The following ZMIZ1 variants were observed in gnomAD, a reference collection of about 807,000 sequenced individuals.
ZMIZ1 encodes zinc finger MIZ domain-containing protein 1.
Under a neutral mutation model 113.9 loss-of-function variants are expected in ZMIZ1, and 17 were observed. That is an observed-to-expected ratio of 0.15 (90% CI 0.10 to 0.22). The LOEUF is 0.22. ZMIZ1 is among the 10% of genes least tolerant of loss of function. The pLI, the probability that ZMIZ1 is intolerant of heterozygous loss-of-function variation, is 1.00. For synonymous variants in ZMIZ1, 607 were observed against 603.1 expected (o/e 1.01, Z -0.09); for missense variants, 1,059 against 1,477.8 (o/e 0.72, Z 4.65).
chr10:79,142,170 G>A (rs1457622458), intron 3 of ZMIZ1, among the ~76,000 whole-genome samples: 8 of 152,138 alleles, frequency 5.3e-5, no homozygotes, highest in Non-Finnish European at 1.5e-5. Context: ...AAGCTGAGGA[G>A]TTCTGTTTCA....
In ZMIZ1 at chr10:79,302,231, G is replaced by A. The variant is rs202148571; in HGVS notation, c.2125+19G>A. Reference sequence around the variant, plus strand: ...ACGAAAAGTGAGTCAGGGTGGGGACGGGGGTGAGGGCCAGACTCCATCCCC... The same window carrying A: ...ACGAAAAGTGAGTCAGGGTGGGGACAGGGGTGAGGGCCAGACTCCATCCCC... On this transcript the variant is annotated intron_variant, in intron 18 of 24. Transcript: ENST00000334512. 2.5e-5 allele frequency: 40 copies of A among 1,608,356 alleles called. No homozygotes were observed. The highest frequency in any genetic ancestry group is 6.7e-5 in the Admixed American group (4 of 60,008).
intron 7 of ZMIZ1, among the ~76,000 whole-genome samples, chr10:79,241,762 C>G (rs1160019054): frequency 2.0e-5 from 3 of 152,140 alleles, no homozygotes; most frequent in African/African-American, 7.2e-5. Flanking sequence ...CCAGCAACTT[C>G]CAGGGCCGGC....
At chr10:79,221,434 G>A (rs144273781) in intron 7 of ZMIZ1, among the ~76,000 whole-genome samples, 2,882 of 152,310 alleles carry the variant, frequency 0.019, 58 homozygotes, top group African/African-American at 0.048. Context: ...GTGCGCGGGC[G>A]GGATCCTCCT....
intron 3 of ZMIZ1, among the ~76,000 whole-genome samples, chr10:79,156,930 C>T (rs892918016): frequency 1.3e-5 from 2 of 152,116 alleles, no homozygotes; most frequent in Non-Finnish European, 2.9e-5. Flanking sequence ...CCTTATGGGC[C>T]TCGAGGCTGA....
At chr10:79,220,861 CATGGCTGT>C (rs67670665) in intron 7 of ZMIZ1, among the ~76,000 whole-genome samples, 17,035 of 152,062 alleles carry the variant, frequency 0.11, 1,142 homozygotes, top group East Asian at 0.3. Context: ...TGTATGTCTG[CATGGCTGT>C]GCACATGTGT....
intron 7 of ZMIZ1, among the ~76,000 whole-genome samples, chr10:79,229,821 C>T (rs901150650): frequency 3.9e-5 from 6 of 152,026 alleles, no homozygotes; most frequent in Non-Finnish European, 5.9e-5. Context: ...AGCAGAGAGG[C>T]GGGACCAGCC....
intron 1 of ZMIZ1, among the ~76,000 whole-genome samples, chr10:79,106,709 C>G (rs571083208): frequency 1.2e-3 from 183 of 152,366 alleles, no homozygotes; most frequent in African/African-American, 3.4e-3. Context: ...ATTCCATACC[C>G]ACTCCCTGCT....
At chr10:79,292,077 C>T (rs2132032252) in intron 10 of ZMIZ1, 81 bp from the exon 11 acceptor site, 3 of 1,372,170 alleles carry the variant, frequency 2.2e-6, no homozygotes, top group Non-Finnish European at 2.0e-6. Flanking sequence ...GCTCCATCAT[C>T]TCCCTTCCAG....
intron 7 of ZMIZ1, among the ~76,000 whole-genome samples, chr10:79,254,786 G>T (rs928197818): frequency 2.6e-5 from 4 of 152,202 alleles, no homozygotes; most frequent in African/African-American, 9.6e-5. Context: ...GCAATGCAGG[G>T]AGAGCCGACT....
chr10:79,268,170 G>C (rs1024415319), intron 7 of ZMIZ1, among the ~76,000 whole-genome samples: 1 of 152,208 alleles, frequency 6.6e-6, no homozygotes, highest in East Asian at 1.9e-4. Flanking sequence ...CAGCAGCGCC[G>C]GCCCCTGAGC....
Position 79,311,015 on chromosome 10 carries a change from T to C in ZMIZ1, c.2927T>C (p.Leu976Ser). Residue 976 changes from leucine to serine, a missense_variant, in exon 24 of 25, where the codon TTA (leucine) becomes TCA (serine). Coordinates refer to ENST00000334512, the MANE Select transcript of ZMIZ1 (RefSeq NM_020338.4). ...PHPSSQSGPP[L>S]HHSGAPPPPP... ...CCCAGCAGCCAGTCAGGGCCTCCATTACATCACAGTGGGGCTCCTCCTCCT... is the reference window on the plus strand; with the variant it reads ...CCCAGCAGCCAGTCAGGGCCTCCATCACATCACAGTGGGGCTCCTCCTCCT... 6.2e-7 allele frequency: 1 copy of C among 1,613,742 alleles called. No homozygotes were observed. Among genetic ancestry groups the C allele is most frequent in the Non-Finnish European group, 8.5e-7 (1 of 1,179,972 alleles).
At chr10:79,222,605 G>T (rs916612104) in intron 7 of ZMIZ1, among the ~76,000 whole-genome samples, 2 of 152,186 alleles carry the variant, frequency 1.3e-5, no homozygotes, top group African/African-American at 4.8e-5. Context: ...ATCACAAGAG[G>T]GGGGCTGAGA....
intron 4 of ZMIZ1, among the ~76,000 whole-genome samples, chr10:79,190,452 G>A (rs984295120): frequency 7.9e-5 from 12 of 152,228 alleles, no homozygotes; most frequent in African/African-American, 2.9e-4. Flanking sequence ...GCAGATCCCA[G>A]ATCACTTCCA....
chr10:79,114,506 CGTGTGTGTGTGT>C (rs57304757), intron 1 of ZMIZ1, among the ~76,000 whole-genome samples: 65 of 93,246 alleles, frequency 7.0e-4, no homozygotes, highest in African/African-American at 2.7e-3. Context: ...TGTGTGTGTG[CGTGTGTGTGTGT>C]GTGTGTGTGT....
At chr10:79,218,087 A>G (rs1848811159) in intron 7 of ZMIZ1, among the ~76,000 whole-genome samples, 1 of 152,196 alleles carries the variant, frequency 6.6e-6, no homozygotes, top group African/African-American at 2.4e-5. Flanking sequence ...TTTTTCCATC[A>G]AGGGCCAGAC....
intron 1 of ZMIZ1, among the ~76,000 whole-genome samples, chr10:79,104,194 T>G (rs1005853012): frequency 9.2e-5 from 14 of 152,198 alleles, no homozygotes; most frequent in African/African-American, 3.4e-4. Context: ...GTAGAAGGTC[T>G]TCAGGGTCTC....
At chr10:79,074,024 C>T (rs926394134) in intron 1 of ZMIZ1, among the ~76,000 whole-genome samples, 1 of 152,158 alleles carries the variant, frequency 6.6e-6, no homozygotes, top group Admixed American at 6.5e-5. Context: ...CTGCCACGGG[C>T]GCGTGATGAC....
Position 79,312,912 on chromosome 10 carries a change from G to T in ZMIZ1, c.*163G>T. 3.1e-6 allele frequency: 2 copies of T among 635,262 alleles called. No homozygotes were observed. The highest frequency in any genetic ancestry group is 5.4e-6 in the Non-Finnish European group (2 of 367,658). The allele number at this position is 635,262 out of a possible 1,614,324, so 39.4% of individuals were successfully genotyped here. Reference sequence around the variant, plus strand: ...GCTGCAGCCCTCTCAGAACAGAGGGGTAGGGAGGGTGCACCAGTGCACCAG... The same window carrying T: ...GCTGCAGCCCTCTCAGAACAGAGGGTTAGGGAGGGTGCACCAGTGCACCAG... On this transcript the variant is annotated 3_prime_UTR_variant, in exon 25 of 25. Transcript: ENST00000334512.
chr10:79,253,902 G>A (rs1055574467), intron 7 of ZMIZ1, among the ~76,000 whole-genome samples: 89 of 152,128 alleles, frequency 5.9e-4, no homozygotes, highest in Middle Eastern at 3.4e-3. Flanking sequence ...ATGCTGACAC[G>A]CACACTCACA....
Sources: gnomAD v4.1 joint callset for allele counts (sites outside exome capture counted in the v4.1 genomes callset) on GRCh38, gnomAD v4.1.1 for gene constraint, MANE v1.5 for transcripts, NCBI Gene and HGNC (gene_info 2026-07-23, HGNC 2026-07-21) for gene names.